Variants in OPCML observed in about 807,000 individuals in gnomAD.
OPCML encodes the protein opioid binding protein/cell adhesion molecule like, also known as opioid-binding protein/cell adhesion molecule.
In OPCML, 13 loss-of-function variants were observed where a neutral mutation model predicts 37.8. That is an observed-to-expected ratio of 0.34 (90% CI 0.22 to 0.55). OPCML has a LOEUF of 0.55. Ranked by LOEUF, OPCML falls within the 20% of genes least tolerant of loss-of-function variation. OPCML has a pLI of 0.91. For synonymous variants in OPCML, 176 were observed against 168.8 expected, an observed-to-expected ratio of 1.04 and a Z score of -0.33; for missense variants, 341 against 435.6, an observed-to-expected ratio of 0.78 and a Z score of 1.93.
rs543077079 is a variant in OPCML, at chr11:132,644,337, C to A, written c.379+12750G>T. Among the ~76,000 whole-genome samples, 78 of 152,272 alleles carry A rather than the reference C, an allele frequency of 5.1e-4. No homozygotes were observed. In the South Asian group the frequency reaches 0.016, roughly 32 times the overall value. On this transcript the variant is annotated intron_variant, in intron 3 of 7. Coordinates refer to ENST00000524381, the MANE Select transcript of OPCML (RefSeq NM_001012393.5). ...ATCTGTCAATCAGAGGGAACTCCTT[C>A]TCTGCTTTTAACTAACAAAAACCCA...
chr11:132,634,141 C>T (rs1326737088), intron 3 of OPCML, among the ~76,000 whole-genome samples: 8 of 152,142 alleles, frequency 5.3e-5, no homozygotes, highest in South Asian at 4.1e-4. Context: ...TCGGACTTCC[C>T]CCTGGATCCT....
At chr11:133,151,471 A>C (rs1459079390) in intron 1 of OPCML, among the ~76,000 whole-genome samples, 1 of 152,010 alleles carries the variant, frequency 6.6e-6, no homozygotes, top group Non-Finnish European at 1.5e-5. Flanking sequence ...TTCAAAAAAG[A>C]AGCACACTTT....
chr11:133,488,333 C>T (rs1437000111), intron 1 of OPCML, among the ~76,000 whole-genome samples: 1 of 152,036 alleles, frequency 6.6e-6, no homozygotes, highest in Non-Finnish European at 1.5e-5. Context: ...TATCCTTGTT[C>T]AATGATGATA....
chr11:133,503,899 G>A (rs1947970509), intron 1 of OPCML, among the ~76,000 whole-genome samples: 2 of 152,110 alleles, frequency 1.3e-5, no homozygotes, highest in South Asian at 4.1e-4. Flanking sequence ...GACTAAGCAG[G>A]GTGCAGAGGA....
intron 4 of OPCML, among the ~76,000 whole-genome samples, chr11:132,460,974 C>T (rs1592209069): frequency 6.6e-6 from 1 of 152,136 alleles, no homozygotes; most frequent in South Asian, 2.1e-4. Context: ...TAAATGCTAT[C>T]CCATGAAATT....
intron 1 of OPCML, among the ~76,000 whole-genome samples, chr11:133,489,024 C>T (rs968941371): frequency 2.0e-5 from 3 of 150,780 alleles, no homozygotes; most frequent in Non-Finnish European, 4.4e-5. Context: ...AATTGGATAC[C>T]CATATGCAGA....
At chr11:133,479,625 C>T (rs1194729659) in intron 1 of OPCML, among the ~76,000 whole-genome samples, 5 of 152,186 alleles carry the variant, frequency 3.3e-5, no homozygotes, top group Non-Finnish European at 5.9e-5. Context: ...TACAGTGACT[C>T]AGGTCAAGCG....
At chr11:132,475,772 C>T (rs2096153191) in intron 4 of OPCML, among the ~76,000 whole-genome samples, 1 of 152,188 alleles carries the variant, frequency 6.6e-6, no homozygotes, top group South Asian at 2.1e-4. Context: ...TAATAATACA[C>T]CTCCTTTCAG....
At chr11:133,517,267 GATTAT>G (rs1487676245) in intron 1 of OPCML, among the ~76,000 whole-genome samples, 1 of 152,108 alleles carries the variant, frequency 6.6e-6, no homozygotes, top group Non-Finnish European at 1.5e-5. Flanking sequence ...TATGTGTAGT[GATTAT>G]ATATTTCTAT....
chr11:132,912,046 G>A (rs1000624736), intron 2 of OPCML, among the ~76,000 whole-genome samples: 1 of 152,054 alleles, frequency 6.6e-6, no homozygotes, highest in Non-Finnish European at 1.5e-5. Context: ...TGGGTATTAA[G>A]CTCTGGGACC....
At chr11:132,422,711 A>G (rs184290864) in intron 7 of OPCML, among the ~76,000 whole-genome samples, 4 of 152,352 alleles carry the variant, frequency 2.6e-5, no homozygotes, top group Admixed American at 2.0e-4. Flanking sequence ...GAGCAGTTAG[A>G]CATCTTAGCT....
At chr11:132,743,741 G>T (rs187799769) in intron 2 of OPCML, among the ~76,000 whole-genome samples, 5 of 152,290 alleles carry the variant, frequency 3.3e-5, no homozygotes, top group Admixed American at 3.3e-4. Context: ...GTCTTCCTGA[G>T]GTTAAATCAT....
intron 1 of OPCML, among the ~76,000 whole-genome samples, chr11:132,981,946 G>A (rs1312487370): frequency 6.6e-6 from 1 of 152,170 alleles, no homozygotes; most frequent in African/African-American, 2.4e-5. Flanking sequence ...ACGTATTTGT[G>A]TCCGTCACAT....
chr11:133,186,925 C>G (rs1938107616), intron 1 of OPCML, among the ~76,000 whole-genome samples: 1 of 152,030 alleles, frequency 6.6e-6, no homozygotes, highest in South Asian at 2.1e-4. Context: ...AAGCCTGGAA[C>G]AGGGTGAGTC....
At chr11:132,594,080 T>C (rs1248742619) in intron 3 of OPCML, among the ~76,000 whole-genome samples, 1 of 152,208 alleles carries the variant, frequency 6.6e-6, no homozygotes, top group African/African-American at 2.4e-5. Flanking sequence ...CTCCTGTCTG[T>C]GTGCTTAGCT....
At chr11:132,652,629 CTTG>C (rs1425027909) in intron 3 of OPCML, among the ~76,000 whole-genome samples, 2 of 152,200 alleles carry the variant, frequency 1.3e-5, no homozygotes, top group East Asian at 3.9e-4. Flanking sequence ...CCTCCCAGGG[CTTG>C]TTGTGTGAGT....
intron 2 of OPCML, among the ~76,000 whole-genome samples, chr11:132,891,395 T>C (rs1449359472): frequency 6.6e-6 from 1 of 152,184 alleles, no homozygotes; most frequent in Non-Finnish European, 1.5e-5. Flanking sequence ...CTCCGTATTA[T>C]TTTTCTTAAA....
At chr11:132,450,480 G>A (rs1171548207) in intron 4 of OPCML, among the ~76,000 whole-genome samples, 2 of 152,074 alleles carry the variant, frequency 1.3e-5, no homozygotes, top group Admixed American at 6.5e-5. Flanking sequence ...AGATTTTTAG[G>A]GCTGCCCGTA....
rs141530215 is a variant in OPCML, at chr11:132,996,190, G to A, written c.62-53180C>T. On this transcript the variant is annotated intron_variant, in intron 1 of 7. Coordinates refer to ENST00000524381, the MANE Select transcript of OPCML (RefSeq NM_001012393.5). Reference sequence around the variant, plus strand: ...TGTAGATGGGGTTATTAAGCATGTTGTGCCCCCTGAAAAAGAAAAGGCACA... The same window carrying A: ...TGTAGATGGGGTTATTAAGCATGTTATGCCCCCTGAAAAAGAAAAGGCACA... 8.7e-3 allele frequency among the ~76,000 whole-genome samples: 1,317 copies of A among 152,200 alleles called. 20 individuals carry two copies. The highest frequency in any genetic ancestry group is 0.03 in the African/African-American group (1,263 of 41,518).
Sources: allele counts gnomAD v4.1 joint callset (sites outside exome capture counted in the v4.1 genomes callset), GRCh38; gene constraint gnomAD v4.1.1; transcripts MANE v1.5; gene names NCBI Gene and HGNC (gene_info 2026-07-23, HGNC 2026-07-21).